MCTP1: variants seen among roughly 807,000 people sequenced by gnomAD.
MCTP1 encodes multiple C2 and transmembrane domain containing 1, also known as multiple C2 and transmembrane domain-containing protein 1.
A neutral mutation model predicts 120.6 loss-of-function variants in MCTP1; 69 were observed. The observed-to-expected ratio is 0.57, with a 90% CI of 0.47 to 0.70. MCTP1 has a LOEUF of 0.70. MCTP1 is among the 30% of genes least tolerant of loss of function. The pLI, the probability that MCTP1 is intolerant of heterozygous loss-of-function variation, is 0.00. For synonymous variants in MCTP1, 529 were observed against 493.1 expected (o/e 1.07, Z -0.96); for missense variants, 1,203 against 1,248.8 (o/e 0.96, Z 0.55).
At chr5:94,780,091 A>T (rs760322176) in intron 18 of MCTP1, among the ~76,000 whole-genome samples, 13 of 151,870 alleles carry the variant, frequency 8.6e-5, no homozygotes, top group Non-Finnish European at 1.5e-4. Context: ...TTCAAGTAAG[A>T]CCCAACTTAT....
chr5:94,951,883 T>A (rs1353802635), intron 3 of MCTP1, among the ~76,000 whole-genome samples: 1 of 152,024 alleles, frequency 6.6e-6, no homozygotes. Context: ...TCAAAAACGC[T>A]ATTTAAGGCC....
In MCTP1 at chr5:95,017,428, T is replaced by C. The variant is rs1298544955; in HGVS notation, c.777A>G (p.Gly259=). 6.2e-7 allele frequency: 1 copy of C among 1,611,072 alleles called. No individual in the cohort carries two copies. The highest frequency in any genetic ancestry group is 1.7e-5 in the Admixed American group (1 of 59,844). Residue 259 remains glycine, a synonymous_variant, in exon 2 of 23, where the codon GGA becomes GGG. Coordinates refer to ENST00000515393, the MANE Select transcript of MCTP1 (RefSeq NM_024717.7). ...SNAEVPLADP[G]MYQLDITLRR... ...TTAATGTAATGTCCAGCTGGTACATTCCGGGATCAGCCAAGGGGACTTCTG... is the reference window on the plus strand; with the variant it reads ...TTAATGTAATGTCCAGCTGGTACATCCCGGGATCAGCCAAGGGGACTTCTG...
intron 1 of MCTP1, among the ~76,000 whole-genome samples, chr5:95,061,657 G>A (rs928844648): frequency 5.9e-5 from 9 of 151,358 alleles, no homozygotes; most frequent in African/African-American, 1.9e-4. Context: ...GGATGGTCTC[G>A]ATCTCCTGAC....
chr5:94,863,692 T>C (rs1342228662), intron 17 of MCTP1, among the ~76,000 whole-genome samples: 1 of 151,920 alleles, frequency 6.6e-6, no homozygotes, highest in Non-Finnish European at 1.5e-5. Flanking sequence ...TGTTGTTTAA[T>C]AGCAGCAGAC....
chr5:95,282,631 T>C (rs1760417607), intron 1 of MCTP1, among the ~76,000 whole-genome samples: 1 of 152,228 alleles, frequency 6.6e-6, no homozygotes, highest in Admixed American at 6.5e-5. Flanking sequence ...ATGTATTTGG[T>C]CTTTTTGTCA....
intron 1 of MCTP1, among the ~76,000 whole-genome samples, chr5:95,231,689 G>A (rs1478349356): frequency 6.6e-6 from 1 of 151,928 alleles, no homozygotes; most frequent in Non-Finnish European, 1.5e-5. Flanking sequence ...TAACTATACT[G>A]GTAAATAGAT....
intron 3 of MCTP1, among the ~76,000 whole-genome samples, chr5:94,946,592 G>A (rs1404146410): frequency 6.6e-6 from 1 of 152,118 alleles, no homozygotes; most frequent in East Asian, 1.9e-4. Context: ...CCCCTCTAGA[G>A]CTAAAGCTAG....
At chr5:94,758,071 G>C (rs1770368613) in intron 19 of MCTP1, among the ~76,000 whole-genome samples, 2 of 152,256 alleles carry the variant, frequency 1.3e-5, no homozygotes, top group South Asian at 4.1e-4. Flanking sequence ...GGGAGTAAAT[G>C]GAGGCAACAG....
chr5:95,052,629 T>C (rs758615161), intron 1 of MCTP1, among the ~76,000 whole-genome samples: 3 of 152,166 alleles, frequency 2.0e-5, no homozygotes, highest in Non-Finnish European at 4.4e-5. Flanking sequence ...CCCATGCCTC[T>C]GATTGCAGCA....
chr5:95,135,551 C>T (rs1001585427), intron 1 of MCTP1, among the ~76,000 whole-genome samples: 2 of 152,190 alleles, frequency 1.3e-5, no homozygotes, highest in African/African-American at 2.4e-5. Context: ...ACAATCTGAT[C>T]AGCTGCCATC....
At chr5:95,100,307 A>G (rs1756634382) in intron 1 of MCTP1, among the ~76,000 whole-genome samples, 1 of 152,180 alleles carries the variant, frequency 6.6e-6, no homozygotes, top group Admixed American at 6.5e-5. Context: ...TATTTGCTTC[A>G]TGATATTTTG....
intron 1 of MCTP1, among the ~76,000 whole-genome samples, chr5:95,220,679 C>G (rs186040934): frequency 4.8e-4 from 73 of 152,302 alleles, no homozygotes; most frequent in Non-Finnish European, 7.2e-4. Flanking sequence ...AACAAGAATA[C>G]CTAATAACAT....
chr5:95,174,328 C>A (rs1391416356), intron 1 of MCTP1, among the ~76,000 whole-genome samples: 1 of 152,006 alleles, frequency 6.6e-6, no homozygotes, highest in African/African-American at 2.4e-5. Flanking sequence ...TGCTCATTAT[C>A]ATAAAATTTC....
intron 1 of MCTP1, among the ~76,000 whole-genome samples, chr5:95,249,069 A>T (rs1041219702): frequency 1.3e-5 from 2 of 152,190 alleles, no homozygotes; most frequent in Non-Finnish European, 2.9e-5. Flanking sequence ...CTAGAAGAAA[A>T]CCTAGGCAAT....
At chr5:94,872,380 T>G (rs998423458) in intron 13 of MCTP1, among the ~76,000 whole-genome samples, 2 of 152,046 alleles carry the variant, frequency 1.3e-5, no homozygotes, top group Non-Finnish European at 2.9e-5. Context: ...AAAAATAAAT[T>G]GGCCAGACAG....
At chr5:94,763,085 TTC>T (rs1424790766) in intron 19 of MCTP1, among the ~76,000 whole-genome samples, 1 of 152,172 alleles carries the variant, frequency 6.6e-6, no homozygotes, top group African/African-American at 2.4e-5. Context: ...TCAAATTTGT[TTC>T]TTTCTATTAT....
chr5:94,944,100 TG>T (rs1405781975), intron 3 of MCTP1, among the ~76,000 whole-genome samples: 19 of 152,112 alleles, frequency 1.2e-4, no homozygotes, highest in Non-Finnish European at 1.8e-4. Context: ...AAATTTAATA[TG>T]TAAAAAATTG....
chr5:94,780,749 G>A (rs1776395528), intron 18 of MCTP1, among the ~76,000 whole-genome samples: 1 of 152,044 alleles, frequency 6.6e-6, no homozygotes, highest in East Asian at 1.9e-4. Flanking sequence ...CTTTGTCCAA[G>A]GCACATAGTG....
At chr5:95,259,032 C>T (rs1461810080) in intron 1 of MCTP1, among the ~76,000 whole-genome samples, 1 of 152,158 alleles carries the variant, frequency 6.6e-6, no homozygotes, top group African/African-American at 2.4e-5. Context: ...TTTGTTATTA[C>T]AGGGAATAAC....
Sources: gnomAD v4.1 joint callset for allele counts (sites outside exome capture counted in the v4.1 genomes callset) on GRCh38, gnomAD v4.1.1 for gene constraint, MANE v1.5 for transcripts, NCBI Gene and HGNC (gene_info 2026-07-23, HGNC 2026-07-21) for gene names.